The following SHISAL2B variants were observed in gnomAD, a reference collection of about 807,000 sequenced individuals.
SHISAL2B encodes the protein shisa like 2B.
SHISAL2B carries 12 observed loss-of-function variants against 16.5 expected under a neutral mutation model. The ratio of observed to expected loss-of-function variants is 0.73; its 90% confidence interval spans 0.47 to 1.18. SHISAL2B has a LOEUF of 1.18. Among genes scored for constraint, SHISAL2B ranks in the 50% most tolerant of loss-of-function variants. The probability of loss-of-function intolerance (pLI) is 0.00; values close to 1 mark genes in which losing one functional copy is unlikely to be tolerated. For missense variants in SHISAL2B, 183 were observed against 193.6 expected, an observed-to-expected ratio of 0.95 and a Z score of 0.33; for synonymous variants, 72 against 75.0, an observed-to-expected ratio of 0.96 and a Z score of 0.21.
chr5:64,690,920 C>A, intron 1 of SHISAL2B, 106 bp downstream of exon 1: 1 of 1,027,494 alleles, frequency 9.7e-7, no homozygotes, highest in Non-Finnish European at 1.4e-6. Flanking sequence ...TCCCCGCTAT[C>A]CGCCCTAGGT....
intron 2 of SHISAL2B, among the ~76,000 whole-genome samples, chr5:64,712,204 C>T (rs1490984814): frequency 2.7e-5 from 4 of 148,718 alleles, no homozygotes; most frequent in African/African-American, 7.4e-5. Context: ...CTACACACTG[C>T]TTTGAATGTG....
At position 64,699,121 on chromosome 5, in the gene SHISAL2B, T is replaced by C. The variant is rs1440068081; in HGVS notation, c.349+3457T>C. On this transcript the variant is annotated intron_variant, in intron 2 of 2. Transcript: ENST00000389074. Reference sequence around the variant, plus strand: ...TTATAGTTAGATGAGGCTGCTTACTTGCAAAGAAATATCCTCATTCTGCCC... The same window carrying C: ...TTATAGTTAGATGAGGCTGCTTACTCGCAAAGAAATATCCTCATTCTGCCC... 2.0e-5 allele frequency among the ~76,000 whole-genome samples: 3 copies of C among 152,218 alleles called. No homozygotes were observed. The East Asian group carries it at 5.8e-4, about 29-fold the overall frequency.
intron 2 of SHISAL2B, among the ~76,000 whole-genome samples, chr5:64,696,046 G>A (rs1237217752): frequency 6.6e-6 from 1 of 152,196 alleles, no homozygotes; most frequent in Admixed American, 6.5e-5. Context: ...GGACCGGCTG[G>A]AGCCACAGCA....
intron 2 of SHISAL2B, among the ~76,000 whole-genome samples, chr5:64,714,351 C>T (rs531683265): frequency 1.9e-4 from 27 of 144,662 alleles, no homozygotes; most frequent in Admixed American, 6.7e-4. Context: ...TTAGGTTGCT[C>T]GGGGGTCAGG....
intron 2 of SHISAL2B, among the ~76,000 whole-genome samples, chr5:64,697,151 G>A (rs1741749785): frequency 6.6e-6 from 1 of 152,144 alleles, no homozygotes; most frequent in Non-Finnish European, 1.5e-5. Flanking sequence ...TTGAAATATT[G>A]GGGGTGGGTC....
intron 1 of SHISAL2B, among the ~76,000 whole-genome samples, chr5:64,694,374 G>A (rs1300872294): frequency 6.6e-6 from 1 of 152,206 alleles, no homozygotes; most frequent in Non-Finnish European, 1.5e-5. Context: ...TCTATTGGTA[G>A]ATTTTAATTA....
chr5:64,704,631 A>T (rs1166283689), intron 2 of SHISAL2B, among the ~76,000 whole-genome samples: 1 of 152,158 alleles, frequency 6.6e-6, no homozygotes, highest in Admixed American at 6.5e-5. Context: ...ATAAGAAAAA[A>T]TTTTTATGTG....
At position 64,716,508 on chromosome 5, in the gene SHISAL2B, A is replaced by G. The variant is rs142685943; in HGVS notation, c.350-1381A>G. 4.0e-3 allele frequency among the ~76,000 whole-genome samples: 608 copies of G among 152,286 alleles called. 2 individuals are homozygous for G. Among genetic ancestry groups the G allele is most frequent in the African/African-American group, 0.014 (566 of 41,558 alleles). ...ATAAATAGGTAAATTATATTAGTTA[A>G]TAAGTGCTTTGGGGGGAGAAATGGA... On this transcript the variant is annotated intron_variant, in intron 2 of 2. Transcript: ENST00000389074.
At chr5:64,694,447 T>C (rs562417045) in intron 1 of SHISAL2B, among the ~76,000 whole-genome samples, 26 of 152,344 alleles carry the variant, frequency 1.7e-4, no homozygotes, top group African/African-American at 6.3e-4. Context: ...ATGCTTTTTT[T>C]CCCAAGCTCT....
At position 64,690,523 on chromosome 5, in the gene SHISAL2B, C is replaced by A. The variant is rs549866556; in HGVS notation, c.-101C>A. ...CAGCCAGAGCCCAGATCGGAAGAGC[C>A]GAGTCCGGGCAGAGGGGTCCGCGGG... On this transcript the variant is annotated 5_prime_UTR_variant, in exon 1 of 3. Coordinates refer to ENST00000389074, the MANE Select transcript of SHISAL2B (RefSeq NM_001164442.2). 2.4e-4 allele frequency: 237 copies of A among 978,060 alleles called. 2 individuals carry two copies. The South Asian group carries it at 5.3e-3, about 22-fold the overall frequency. 60.6% of individuals were successfully genotyped at this position (978,060 alleles called of 1,614,324 possible).
Position 64,701,857 on chromosome 5 carries a change from C to G in SHISAL2B, c.349+6193C>G, listed in dbSNP as rs552250468. Among the ~76,000 whole-genome samples the G allele has an allele frequency of 6.0e-4, 92 of 152,294 alleles. No individual in the cohort carries two copies. The Middle Eastern group carries it at 0.024, about 39-fold the overall frequency. ...AAGCAAAACAGGATTTGGGCTGGCT[C>G]AGCATGGTCTGCTATATTCGTCTTA... On this transcript the variant is annotated intron_variant, in intron 2 of 2. Coordinates refer to ENST00000389074, the MANE Select transcript of SHISAL2B (RefSeq NM_001164442.2).
chr5:64,709,382 G>T (rs1415284260), intron 2 of SHISAL2B, among the ~76,000 whole-genome samples: 3 of 150,450 alleles, frequency 2.0e-5, no homozygotes, highest in Admixed American at 6.6e-5. Context: ...ATTTTTTATG[G>T]CTGCATAGTA....
At chr5:64,713,528 T>C (rs1382284831) in intron 2 of SHISAL2B, among the ~76,000 whole-genome samples, 2 of 113,730 alleles carry the variant, frequency 1.8e-5, no homozygotes, top group South Asian at 2.8e-4. Flanking sequence ...TTGGAGTTGC[T>C]CTTCTCAAGG....
intron 2 of SHISAL2B, among the ~76,000 whole-genome samples, chr5:64,700,558 T>C (rs773330420): frequency 3.3e-5 from 5 of 152,036 alleles, no homozygotes; most frequent in Admixed American, 1.3e-4. Context: ...CTACAGGCAG[T>C]GGTCACCATG....
intron 1 of SHISAL2B, among the ~76,000 whole-genome samples, chr5:64,693,262 C>A (rs999362119): frequency 2.0e-5 from 3 of 152,160 alleles, no homozygotes; most frequent in African/African-American, 7.2e-5. Context: ...CCGCCTCAGC[C>A]TCCCAAAGTG....
chr5:64,704,381 G>T (rs1741848537), intron 2 of SHISAL2B, among the ~76,000 whole-genome samples: 1 of 152,246 alleles, frequency 6.6e-6, no homozygotes, highest in Admixed American at 6.5e-5. Flanking sequence ...TAGGTAGAAA[G>T]ATTTCATTCG....
At chr5:64,700,644 C>T (rs1741796245) in intron 2 of SHISAL2B, among the ~76,000 whole-genome samples, 1 of 152,162 alleles carries the variant, frequency 6.6e-6, no homozygotes, top group African/African-American at 2.4e-5. Context: ...AACTCATGAC[C>T]TCAAATGATC....
intron 2 of SHISAL2B, among the ~76,000 whole-genome samples, chr5:64,708,381 A>G (rs1599080): frequency 0.45 from 68,950 of 152,026 alleles, 19,192 homozygotes; most frequent in African/African-American, 0.78. Flanking sequence ...TCATGAAATA[A>G]GATCACAGGT....
chr5:64,704,018 T>G (rs1032361946), intron 2 of SHISAL2B, among the ~76,000 whole-genome samples: 2 of 152,218 alleles, frequency 1.3e-5, no homozygotes, highest in African/African-American at 2.4e-5. Flanking sequence ...AACTTGAGAT[T>G]GCTTGTTTCC....
Sources: allele counts gnomAD v4.1 joint callset (sites outside exome capture counted in the v4.1 genomes callset), GRCh38; gene constraint gnomAD v4.1.1; transcripts MANE v1.5; gene names NCBI Gene and HGNC (gene_info 2026-07-23, HGNC 2026-07-21).